CASP6: variants seen among roughly 807,000 people sequenced by gnomAD.
CASP6 encodes caspase 6, also known as caspase-6.
CASP6 carries 20 observed loss-of-function variants against 31.8 expected under a neutral mutation model. That is an observed-to-expected ratio of 0.63 (90% CI 0.44 to 0.91). The LOEUF (loss-of-function observed/expected upper bound fraction) is 0.91. Ranked by LOEUF, CASP6 falls within the 40% of genes least tolerant of loss-of-function variation. The pLI is 0.00. For missense variants in CASP6, 328 were observed against 361.1 expected (o/e 0.91, Z 0.74); for synonymous variants, 130 against 127.8 (o/e 1.02, Z -0.12).
At chr4:109,689,657 T>A in intron 6 of CASP6, 89 bp from the exon 7 acceptor site, 1 of 1,203,396 alleles carries the variant, frequency 8.3e-7, no homozygotes, top group Non-Finnish European at 1.2e-6. Context: ...TATAAGTTCT[T>A]AAAAATCCTT....
chr4:109,682,123 C>T, the CASP6 span, among the ~76,000 whole-genome samples: 1,667 of 152,264 alleles, frequency 0.011, 37 homozygotes, highest in African/African-American at 0.038. Flanking sequence ...AAGGTGGATG[C>T]GGTCACCTTC....
upstream of CASP6, chr4:109,703,636 G>A (rs1400999049): frequency 3.5e-6 from 2 of 566,152 alleles, no homozygotes; most frequent in East Asian, 6.2e-5. Flanking sequence ...GGCAGGGAGA[G>A]GTACGCGGTC....
At position 109,698,300 on chromosome 4, in the gene CASP6, C is replaced by T; in HGVS notation, c.83G>A (p.Arg28Lys). 1 of 1,609,826 alleles carries T rather than the reference C, an allele frequency of 6.2e-7. No individual in the cohort carries two copies. Among genetic ancestry groups the T allele is most frequent in the Non-Finnish European group, 8.5e-7 (1 of 1,178,770 alleles). ...TTATTAGAAAAGAGCACAGCTTTAC[C>T]TTTTATAGAAGGCATCTGTTTCTGT... ...NMTETDAFYKREMFDPAEKYK... is the reference protein window; with the variant it reads ...NMTETDAFYKKEMFDPAEKYK... Residue 28 changes from arginine to lysine, a missense_variant and splice_region_variant, in exon 2 of 7, where the codon AGA (arginine) becomes AAA (lysine). Transcript: ENST00000265164.
the CASP6 span, among the ~76,000 whole-genome samples, chr4:109,676,220 G>A: frequency 2.0e-5 from 3 of 152,138 alleles, no homozygotes; most frequent in South Asian, 2.1e-4. Flanking sequence ...TTACTTAAGT[G>A]GTCATGATCA....
upstream of CASP6, among the ~76,000 whole-genome samples, chr4:109,704,434 T>C (rs1285366599): frequency 3.3e-5 from 5 of 152,204 alleles, no homozygotes; most frequent in African/African-American, 9.6e-5. Context: ...AAAGTTCTAG[T>C]TGGTCTGGAT....
At chr4:109,696,214 G>C (rs1190338338) in intron 4 of CASP6, among the ~76,000 whole-genome samples, 196 bp downstream of exon 4, 1 of 152,168 alleles carries the variant, frequency 6.6e-6, no homozygotes, top group East Asian at 1.9e-4. Context: ...ATAAACTTTA[G>C]AGGCATAATT....
At chr4:109,695,527 C>T (rs1730211049) in intron 4 of CASP6, among the ~76,000 whole-genome samples, 1 of 152,074 alleles carries the variant, frequency 6.6e-6, no homozygotes, top group Non-Finnish European at 1.5e-5. Context: ...GAGGCCGAGG[C>T]AGGTGGATCA....
At chr4:109,684,616 C>A (rs779090173), downstream of CASP6, 3 of 1,561,256 alleles carry the variant, frequency 1.9e-6, no homozygotes, top group South Asian at 2.2e-5. Flanking sequence ...ATTCTATGGT[C>A]TTTTTTGCAT....
the CASP6 span, among the ~76,000 whole-genome samples, chr4:109,709,451 TC>T: frequency 1.3e-5 from 2 of 152,196 alleles, no homozygotes; most frequent in Admixed American, 6.5e-5. Context: ...ACTTGATTCT[TC>T]CTATATCTGA....
At chr4:109,674,161 A>G in the CASP6 span, 1 of 979,398 alleles carries the variant, frequency 1.0e-6, no homozygotes, top group South Asian at 1.3e-5. Flanking sequence ...AGCTTGCTTT[A>G]GTTAGACGTC....
the CASP6 span, among the ~76,000 whole-genome samples, chr4:109,708,644 T>C: frequency 6.6e-6 from 1 of 152,252 alleles, no homozygotes; most frequent in Non-Finnish European, 1.5e-5. Context: ...TCCAGTTGGC[T>C]GACGTTCTAC....
intron 4 of CASP6, among the ~76,000 whole-genome samples, chr4:109,696,125 C>T (rs5030567): frequency 6.6e-6 from 1 of 152,072 alleles, no homozygotes; most frequent in Non-Finnish European, 1.5e-5. Context: ...GTAGTACTTG[C>T]ATTTTAGGCT....
chr4:109,685,896 C>T (rs1039539029), downstream of CASP6, among the ~76,000 whole-genome samples: 3 of 152,212 alleles, frequency 2.0e-5, no homozygotes, highest in Admixed American at 6.5e-5. Flanking sequence ...CCAGTTATCT[C>T]TGGCCTCCCA....
chr4:109,690,271 C>T (rs1730003347), intron 6 of CASP6, among the ~76,000 whole-genome samples: 1 of 147,302 alleles, frequency 6.8e-6, no homozygotes, highest in South Asian at 2.2e-4. Flanking sequence ...CGCAATGGCT[C>T]ATACCTGTAC....
At chr4:109,687,032 A>G (rs548972268), downstream of CASP6, among the ~76,000 whole-genome samples, 5 of 152,134 alleles carry the variant, frequency 3.3e-5, no homozygotes, top group East Asian at 9.6e-4. Flanking sequence ...TTTTTAAGGC[A>G]TAAGGATGAA....
upstream of CASP6, among the ~76,000 whole-genome samples, chr4:109,704,786 C>G (rs909892032): frequency 6.6e-6 from 1 of 152,170 alleles, no homozygotes; most frequent in Non-Finnish European, 1.5e-5. Flanking sequence ...TCTTTTGCAA[C>G]CTCTGCCTCC....
At chr4:109,686,012 A>G (rs1729829021), downstream of CASP6, among the ~76,000 whole-genome samples, 1 of 152,198 alleles carries the variant, frequency 6.6e-6, no homozygotes, top group East Asian at 1.9e-4. Context: ...AATATCCTCC[A>G]TTGCTCAATG....
At chr4:109,690,237 A>T (rs955831482) in intron 6 of CASP6, among the ~76,000 whole-genome samples, 1 of 60,336 alleles carries the variant, frequency 1.7e-5, no homozygotes, top group Non-Finnish European at 3.2e-5. Flanking sequence ...GTGAGACTAT[A>T]AAAAAAAAAA....
At position 109,697,686 on chromosome 4, in the gene CASP6, A is replaced by G; in HGVS notation, c.166T>C (p.Phe56Leu). ...IALIFNHERF[F>L]WHLTLPERRG... ...CTTTCTGGCAGTGTTAAGTGCCAAA[A>G]GAACCTCTCATGATTGAAGATTAAA... The change falls in exon 3 of 7, where the codon TTT (phenylalanine) becomes CTT (leucine). Residue 56 changes from phenylalanine (F) to leucine (L), a missense_variant. By Grantham distance (22) the Phe-to-Leu change is conservative (BLOSUM62 0). Coordinates refer to ENST00000265164, the MANE Select transcript of CASP6 (RefSeq NM_001226.4). 6.2e-7 allele frequency: 1 copy of G among 1,614,090 alleles called. No individual in the cohort carries two copies. Among genetic ancestry groups the G allele is most frequent in the Non-Finnish European group, 8.5e-7 (1 of 1,179,982 alleles).
Sources: allele counts gnomAD v4.1 joint callset (sites outside exome capture counted in the v4.1 genomes callset), GRCh38; gene constraint gnomAD v4.1.1; transcripts MANE v1.5; gene names NCBI Gene and HGNC (gene_info 2026-07-23, HGNC 2026-07-21).